Variants in EML5 observed in about 807,000 individuals in gnomAD.
EML5 encodes echinoderm microtubule-associated protein-like 5.
Under a neutral mutation model 250.0 loss-of-function variants are expected in EML5, and 120 were observed. The observed-to-expected ratio is 0.48, with a 90% CI of 0.41 to 0.56. The LOEUF (loss-of-function observed/expected upper bound fraction) is 0.56, where lower values mean the gene tolerates loss of function less well. EML5 is among the 20% of genes least tolerant of loss of function. EML5 has a pLI of 0.00. For missense variants in EML5, 2,006 were observed against 2,437.6 expected (o/e 0.82, Z 3.73); for synonymous variants, 771 against 806.5 (o/e 0.96, Z 0.75).
chr14:88,736,349 T>C lies in EML5; in HGVS notation c.1049+15A>G. ...ATACATTCCAGCCTATGGAATTAGTTTATAATTTGCTTACCTGACCGAACG... is the reference window on the plus strand; with the variant it reads ...ATACATTCCAGCCTATGGAATTAGTCTATAATTTGCTTACCTGACCGAACG... On this transcript the variant is annotated intron_variant, in intron 7 of 43. Coordinates refer to ENST00000554922, the MANE Select transcript of EML5 (RefSeq NM_183387.3). 1 of 1,613,744 alleles carries C rather than the reference T, an allele frequency of 6.2e-7. No individual in the cohort carries two copies. Among genetic ancestry groups the C allele is most frequent in the Non-Finnish European group, 8.5e-7 (1 of 1,179,678 alleles).
At chr14:88,735,410 CA>C (rs2093824373) in intron 7 of EML5, among the ~76,000 whole-genome samples, 1 of 152,046 alleles carries the variant, frequency 6.6e-6, no homozygotes, top group Non-Finnish European at 1.5e-5. Flanking sequence ...AATAGGCAAA[CA>C]GCTTGAACAG....
intron 31 of EML5, among the ~76,000 whole-genome samples, chr14:88,641,280 T>C (rs1408779955): frequency 6.6e-6 from 1 of 151,948 alleles, no homozygotes; most frequent in African/African-American, 2.4e-5. Flanking sequence ...ATCACCCTCA[T>C]ACAAAAACCT....
chr14:88,705,147 T>C (rs1361033710), intron 12 of EML5, among the ~76,000 whole-genome samples, 169 bp from the exon 13 acceptor site: 1 of 152,152 alleles, frequency 6.6e-6, no homozygotes, highest in Admixed American at 6.6e-5. Context: ...ACAAACAAAT[T>C]CACATTTTCT....
rs535795115 is a variant in EML5, at chr14:88,622,358, A to T, written c.5013+246T>A. 3.2e-5 allele frequency: 11 copies of T among 348,196 alleles called. No individual in the cohort carries two copies. In the South Asian group the frequency reaches 1.2e-3, roughly 39 times the overall value. The allele number at this position is 348,196 out of a possible 1,614,324, so 21.6% of individuals were successfully genotyped here. ...CAATTATGTCTACTAGAGTTGTTAA[A>T]TTGGCAGATTCTAGAAAATATTGGA... is the stretch of plus-strand genomic sequence containing the variant. On this transcript the variant is annotated intron_variant, in intron 37 of 43. Coordinates refer to ENST00000554922, the MANE Select transcript of EML5 (RefSeq NM_183387.3).
intron 9 of EML5, 105 bp downstream of exon 9, chr14:88,714,834 C>T: frequency 9.0e-7 from 1 of 1,116,184 alleles, no homozygotes; most frequent in Non-Finnish European, 1.3e-6. Context: ...TAGCTCAGAT[C>T]TTCTTTGATT....
At chr14:88,717,498 C>T (rs1383604940) in intron 8 of EML5, among the ~76,000 whole-genome samples, 15 of 152,192 alleles carry the variant, frequency 9.9e-5, no homozygotes, top group Admixed American at 9.8e-4. Context: ...GTGGCTCACG[C>T]CTGTAATCCC....
chr14:88,695,140 C>A (rs1891405484), intron 16 of EML5, among the ~76,000 whole-genome samples: 1 of 151,880 alleles, frequency 6.6e-6, no homozygotes, highest in Admixed American at 6.6e-5. Flanking sequence ...TATCCAATGC[C>A]ATATTATAGT....
At chr14:88,749,701 T>C (rs2140332353) in intron 2 of EML5, among the ~76,000 whole-genome samples, 1 of 152,232 alleles carries the variant, frequency 6.6e-6, no homozygotes, top group Non-Finnish European at 1.5e-5. Context: ...ATCATGAAGA[T>C]CACAAAAATT....
At chr14:88,743,901 T>C (rs1327169272) in intron 4 of EML5, 122 bp downstream of exon 4, 7 of 499,864 alleles carry the variant, frequency 1.4e-5, no homozygotes, top group African/African-American at 7.9e-5. Context: ...AATAAAAACA[T>C]TGCCATTTTA....
intron 1 of EML5, among the ~76,000 whole-genome samples, chr14:88,768,515 A>G (rs2094349359): frequency 6.6e-6 from 1 of 151,728 alleles, no homozygotes; most frequent in Admixed American, 6.6e-5. Context: ...GGTTCAAGTG[A>G]TTCTCCTGCC....
intron 8 of EML5, among the ~76,000 whole-genome samples, chr14:88,723,844 G>A (rs770732489): frequency 6.6e-6 from 1 of 152,134 alleles, no homozygotes; most frequent in Non-Finnish European, 1.5e-5. Context: ...GAAAAGATAA[G>A]TTTTAAGAAG....
intron 5 of EML5, among the ~76,000 whole-genome samples, chr14:88,739,626 T>A (rs2093895659): frequency 6.6e-6 from 1 of 152,128 alleles, no homozygotes; most frequent in Non-Finnish European, 1.5e-5. Context: ...TGTGAGAGAC[T>A]TTTCTAGGCA....
chr14:88,642,961 T>G lies in EML5; in HGVS notation c.4169A>C (p.Tyr1390Ser). ...RGRDCRNNVH[Y>S]LNDGDDIIYH... ...AATTATATCATCACCATCATTTAAA[T>G]AGTGAACATTATTCCTACAGTCTCT... is the stretch of plus-strand genomic sequence containing the variant. Residue 1390 changes from tyrosine to serine, a missense_variant, in exon 31 of 44, where the codon TAT becomes TCT. By Grantham distance (144) the Tyr-to-Ser change is moderately radical. Around this residue, in one of 7 missense-constraint regions of EML5, gnomAD observed 1,375 missense variants for 1,590.3 expected, o/e 0.86. Transcript: ENST00000554922. 6.2e-7 allele frequency: 1 copy of G among 1,607,112 alleles called. No individual in the cohort carries two copies. Among genetic ancestry groups the G allele is most frequent in the Non-Finnish European group, 8.5e-7 (1 of 1,177,874 alleles).
At chr14:88,762,015 T>C (rs2094251881) in intron 1 of EML5, among the ~76,000 whole-genome samples, 1 of 152,226 alleles carries the variant, frequency 6.6e-6, no homozygotes, top group African/African-American at 2.4e-5. Context: ...GTTCATATCC[T>C]TAGCCCACTT....
intron 21 of EML5, among the ~76,000 whole-genome samples, chr14:88,672,029 C>T (rs1449566981): frequency 1.3e-5 from 2 of 152,128 alleles, no homozygotes; most frequent in Non-Finnish European, 1.5e-5. Context: ...AGGACTTGAA[C>T]TCAGCTCCGG....
intron 37 of EML5, 40 bp downstream of exon 37, chr14:88,622,564 T>C (rs746899445): frequency 1.4e-6 from 2 of 1,463,616 alleles, no homozygotes; most frequent in Admixed American, 2.2e-5. Flanking sequence ...AACCACTTTC[T>C]GTTTTCTGCT....
At chr14:88,639,236 T>C (rs1015095962) in intron 31 of EML5, among the ~76,000 whole-genome samples, 2 of 152,204 alleles carry the variant, frequency 1.3e-5, no homozygotes, top group Non-Finnish European at 2.9e-5. Context: ...CCCAGATAGA[T>C]TTTACAAATG....
chr14:88,747,605 G>A (rs1018804230), intron 2 of EML5, among the ~76,000 whole-genome samples: 1 of 152,050 alleles, frequency 6.6e-6, no homozygotes, highest in African/African-American at 2.4e-5. Context: ...CTTAATGTGC[G>A]AAATAAAATT....
rs1555370057 is a variant in EML5 at position 88,745,167 on chromosome 14, TTGTGTGTG to T, written c.456+1010_456+1017del. Among the ~76,000 whole-genome samples, 9 of 145,284 alleles carry T rather than the reference TTGTGTGTG, an allele frequency of 6.2e-5. 1 individual carries two copies. In the East Asian group the frequency reaches 8.0e-4, roughly 13 times the overall value. The stretch of plus-strand genomic sequence containing the variant: ...TTTAATAATGGTCTAAATTGTGTGT[TTGTGTGTG>T]TGTGTGTGTGTGTGTGTGTGTGTAA... On this transcript the variant is annotated intron_variant, in intron 3 of 43. Transcript: ENST00000554922.
Sources: gnomAD v4.1 joint callset for allele counts (sites outside exome capture counted in the v4.1 genomes callset) on GRCh38, gnomAD v4.1.1 for gene constraint, gnomAD v4.1.1 regional missense constraint, MANE v1.5 for transcripts, NCBI Gene and HGNC (gene_info 2026-07-23, HGNC 2026-07-21) for gene names.